Variants in GALNT14 observed in about 807,000 individuals in gnomAD.
GALNT14 encodes the protein polypeptide N-acetylgalactosaminyltransferase 14, also known as UDP-GalNAc:polypeptide N-acetylgalactosaminyltransferase 14.
In GALNT14, 60 loss-of-function variants were observed where a neutral mutation model predicts 77.5. That is an observed-to-expected ratio of 0.77 (90% confidence interval 0.63 to 0.96). The LOEUF is 0.96. Among genes scored for constraint, GALNT14 ranks in the 40% least tolerant of loss-of-function variants. The pLI is 0.00. For missense variants in GALNT14, 710 were observed against 731.0 expected, an observed-to-expected ratio of 0.97 and a Z score of 0.33; for synonymous variants, 280 against 281.7, an observed-to-expected ratio of 0.99 and a Z score of 0.06.
intron 1 of GALNT14, among the ~76,000 whole-genome samples, chr2:31,049,546 A>T (rs761363189): frequency 3.8e-4 from 58 of 152,198 alleles, no homozygotes; most frequent in Non-Finnish European, 5.9e-5. Flanking sequence ...CAGGTCATGG[A>T]GAATCCCAAG....
At chr2:30,944,122 T>C (rs895799365) in intron 8 of GALNT14, among the ~76,000 whole-genome samples, 10 of 152,160 alleles carry the variant, frequency 6.6e-5, no homozygotes, top group Non-Finnish European at 1.5e-4. Context: ...TGTTTTAGCT[T>C]AAGTATTCCC....
chr2:31,000,435 C>CTGTGTGTGTG (rs3223043), intron 1 of GALNT14, among the ~76,000 whole-genome samples: 9,251 of 145,968 alleles, frequency 0.063, 322 homozygotes, highest in Non-Finnish European at 0.084. Context: ...ATATCACCAA[C>CTGTGTGTGTG]TGTGTGTGTG....
chr2:31,049,527 G>T lies in GALNT14; in HGVS notation c.130-56520C>A, dbSNP rs1673704215. Among the ~76,000 whole-genome samples the T allele has an allele frequency of 2.6e-5, 4 of 152,194 alleles. No homozygotes were observed. The South Asian group carries it at 8.3e-4, about 32-fold the overall frequency. ...ATGGAACCATCCTGGAAGCTCAACT[G>T]CTGGCCCTCAGGTCATGGAGAATCC... On this transcript the variant is annotated intron_variant, in intron 1 of 14. Transcript: ENST00000349752.
chr2:30,983,520 G>C (rs1268682689), intron 2 of GALNT14, among the ~76,000 whole-genome samples: 1 of 152,174 alleles, frequency 6.6e-6, no homozygotes, highest in Non-Finnish European at 1.5e-5. Flanking sequence ...CTTAGGGAGG[G>C]AGAAGGGAAA....
intron 6 of GALNT14, among the ~76,000 whole-genome samples, chr2:30,947,638 C>G (rs1666781326): frequency 6.6e-6 from 1 of 152,196 alleles, no homozygotes. Flanking sequence ...CCCTGGGAAC[C>G]AGGCAGGACT....
At chr2:30,960,210 C>A (rs1299023478) in intron 3 of GALNT14, among the ~76,000 whole-genome samples, 2 of 152,146 alleles carry the variant, frequency 1.3e-5, no homozygotes, top group East Asian at 1.9e-4. Flanking sequence ...TGGGACTGTT[C>A]ACCATGATCG....
At chr2:30,909,063 A>T (rs1242288020), downstream of GALNT14, among the ~76,000 whole-genome samples, 1 of 152,086 alleles carries the variant, frequency 6.6e-6, no homozygotes, top group Non-Finnish European at 1.5e-5. Flanking sequence ...TCAATTCAAG[A>T]TGGATTAAAG....
At chr2:31,014,609 A>G (rs139084732) in intron 1 of GALNT14, among the ~76,000 whole-genome samples, 343 of 152,326 alleles carry the variant, frequency 2.3e-3, no homozygotes, top group African/African-American at 7.7e-3. Context: ...TGAGGAACGC[A>G]GCATGCTGGG....
At chr2:30,905,980 G>T (rs1664132713), downstream of GALNT14, among the ~76,000 whole-genome samples, 1 of 150,878 alleles carries the variant, frequency 6.6e-6, no homozygotes, top group Non-Finnish European at 1.5e-5. Flanking sequence ...AAGCGAAGGA[G>T]AAATAAAATA....
chr2:31,046,841 T>C (rs1165262342), intron 1 of GALNT14, among the ~76,000 whole-genome samples: 1 of 152,206 alleles, frequency 6.6e-6, no homozygotes, highest in Non-Finnish European at 1.5e-5. Flanking sequence ...ATCACTCGTT[T>C]CAAGTTCATG....
At chr2:31,108,109 G>T (rs1677649328) in intron 1 of GALNT14, among the ~76,000 whole-genome samples, 2 of 152,166 alleles carry the variant, frequency 1.3e-5, no homozygotes, top group Admixed American at 1.3e-4. Context: ...CATCTGCCTG[G>T]CTGTGAGCAA....
intron 6 of GALNT14, among the ~76,000 whole-genome samples, chr2:30,946,128 G>C (rs1227461247): frequency 6.6e-6 from 1 of 152,198 alleles, no homozygotes; most frequent in East Asian, 1.9e-4. Flanking sequence ...ATCTAAGAAA[G>C]GTGGACATGA....
intron 1 of GALNT14, among the ~76,000 whole-genome samples, chr2:31,136,782 T>C (rs757165256): frequency 1.3e-5 from 2 of 152,162 alleles, no homozygotes; most frequent in African/African-American, 2.4e-5. Flanking sequence ...TTAAAGACCC[T>C]GAACCTGTTT....
chr2:31,038,236 A>G, intron 1 of GALNT14, among the ~76,000 whole-genome samples: 1 of 151,110 alleles, frequency 6.6e-6, no homozygotes, highest in African/African-American at 2.4e-5. Context: ...CTGAGATTAC[A>G]GGCACATGCA....
chr2:30,920,025 C>T (rs1162236208), intron 13 of GALNT14, among the ~76,000 whole-genome samples: 1 of 152,180 alleles, frequency 6.6e-6, no homozygotes, highest in Non-Finnish European at 1.5e-5. Context: ...CCACTCTCCC[C>T]TGTCAAGGTG....
At chr2:30,979,851 G>A (rs1216690140) in intron 2 of GALNT14, among the ~76,000 whole-genome samples, 1 of 152,072 alleles carries the variant, frequency 6.6e-6, no homozygotes, top group East Asian at 1.9e-4. Context: ...CCCCCACCCA[G>A]CTGTCATCTC....
chr2:31,071,588 T>C (rs1194797722), intron 1 of GALNT14, among the ~76,000 whole-genome samples: 2 of 152,030 alleles, frequency 1.3e-5, no homozygotes, highest in African/African-American at 4.8e-5. Context: ...TCTGTCACTG[T>C]GTGTCCCGGG....
intron 1 of GALNT14, among the ~76,000 whole-genome samples, chr2:31,051,042 G>GA (rs1399539279): frequency 6.6e-6 from 1 of 152,136 alleles, no homozygotes; most frequent in Non-Finnish European, 1.5e-5. Context: ...TTCAGGGCAA[G>GA]AAAGTTCGCT....
chr2:31,135,828 G>A (rs1205820414), intron 1 of GALNT14, among the ~76,000 whole-genome samples: 1 of 152,150 alleles, frequency 6.6e-6, no homozygotes, highest in African/African-American at 2.4e-5. Context: ...CATCATAGCA[G>A]CCCCCAAACC....
Sources: allele counts gnomAD v4.1 joint callset (sites outside exome capture counted in the v4.1 genomes callset), GRCh38; gene constraint gnomAD v4.1.1; transcripts MANE v1.5; gene names NCBI Gene and HGNC (gene_info 2026-07-23, HGNC 2026-07-21).